ZMAT4: variants seen among roughly 807,000 people sequenced by gnomAD.
The protein encoded by ZMAT4 is zinc finger matrin-type 4.
A neutral mutation model predicts 28.7 loss-of-function variants in ZMAT4; 17 were observed. The observed-to-expected ratio is 0.59, with a 90% CI of 0.41 to 0.89. The LOEUF (loss-of-function observed/expected upper bound fraction) is 0.89. Ranked by LOEUF, ZMAT4 falls within the 40% of genes least tolerant of loss-of-function variation. The pLI is 0.00. For missense variants in ZMAT4, 240 were observed against 283.8 expected, an observed-to-expected ratio of 0.85 and a Z score of 1.11; for synonymous variants, 117 against 109.2, an observed-to-expected ratio of 1.07 and a Z score of -0.44.
At chr8:40,709,698 A>G (rs1254260369) in intron 3 of ZMAT4, among the ~76,000 whole-genome samples, 2 of 152,306 alleles carry the variant, frequency 1.3e-5, no homozygotes, top group South Asian at 2.1e-4. Context: ...AGAATGTAAG[A>G]TTGATTTTAA....
intron 2 of ZMAT4, among the ~76,000 whole-genome samples, chr8:40,812,970 T>A (rs1214905542): frequency 6.7e-6 from 1 of 149,498 alleles, no homozygotes; most frequent in African/African-American, 2.4e-5. Flanking sequence ...TAAATTAAAT[T>A]AAATTAAATT....
At chr8:40,589,763 T>TCTTTCTTTC (rs71224835) in intron 5 of ZMAT4, among the ~76,000 whole-genome samples, 1 of 27,914 alleles carries the variant, frequency 3.6e-5, no homozygotes, top group Non-Finnish European at 9.3e-5. Context: ...TTTCTTTCTT[T>TCTTTCTTTC]TTCTTTCTTT....
chr8:40,870,900 C>T (rs1030939237), intron 1 of ZMAT4, among the ~76,000 whole-genome samples: 5 of 152,180 alleles, frequency 3.3e-5, no homozygotes, highest in Non-Finnish European at 7.3e-5. Flanking sequence ...ATGTCAGCAG[C>T]TGTTGTGTCC....
intron 3 of ZMAT4, among the ~76,000 whole-genome samples, chr8:40,697,877 G>A (rs1809967973): frequency 6.6e-6 from 1 of 152,082 alleles, no homozygotes. Context: ...TAAAAACGGG[G>A]CCCACAATTA....
At chr8:40,589,703 T>C in intron 5 of ZMAT4, among the ~76,000 whole-genome samples, 1 of 124,420 alleles carries the variant, frequency 8.0e-6, no homozygotes, top group East Asian at 3.1e-4. Context: ...GAGACCTTCC[T>C]TCCTTCTTCC....
intron 2 of ZMAT4, among the ~76,000 whole-genome samples, chr8:40,814,376 A>G (rs1181019433): frequency 6.6e-6 from 1 of 152,236 alleles, no homozygotes; most frequent in East Asian, 1.9e-4. Flanking sequence ...GGGGTCAGGA[A>G]TGCATATGTT....
At chr8:40,658,299 C>A (rs191204721) in intron 5 of ZMAT4, among the ~76,000 whole-genome samples, 17 of 152,220 alleles carry the variant, frequency 1.1e-4, no homozygotes, top group African/African-American at 3.6e-4. Flanking sequence ...TCCTCCTATG[C>A]ATATTAATGT....
intron 5 of ZMAT4, among the ~76,000 whole-genome samples, chr8:40,640,672 G>T (rs1806980539): frequency 6.6e-6 from 1 of 151,808 alleles, no homozygotes; most frequent in African/African-American, 2.4e-5. Context: ...TAAAAAAAAA[G>T]TATAGAGGCC....
chr8:40,599,823 C>T (rs1350755125), intron 5 of ZMAT4, among the ~76,000 whole-genome samples: 2 of 152,178 alleles, frequency 1.3e-5, no homozygotes, highest in Non-Finnish European at 2.9e-5. Flanking sequence ...GGGGGGCCCC[C>T]GCCCCTCCTC....
intron 5 of ZMAT4, among the ~76,000 whole-genome samples, chr8:40,585,602 C>T (rs1036154234): frequency 1.6e-4 from 24 of 152,150 alleles, no homozygotes; most frequent in Admixed American, 1.2e-3. Flanking sequence ...AAAGCTATTC[C>T]ATAAAAAAGT....
intron 1 of ZMAT4, among the ~76,000 whole-genome samples, chr8:40,832,533 C>T (rs1001446807): frequency 6.6e-5 from 10 of 152,166 alleles, no homozygotes; most frequent in African/African-American, 2.4e-4. Context: ...AGATGATGCC[C>T]CCTGCTCACC....
chr8:40,692,077 T>C (rs1809689156), intron 4 of ZMAT4, among the ~76,000 whole-genome samples: 1 of 152,228 alleles, frequency 6.6e-6, no homozygotes, highest in Non-Finnish European at 1.5e-5. Context: ...TGCCTATTAT[T>C]ATTCTAATGT....
intron 2 of ZMAT4, among the ~76,000 whole-genome samples, chr8:40,772,366 C>T (rs149876313): frequency 3.5e-4 from 53 of 152,278 alleles, no homozygotes; most frequent in Middle Eastern, 3.4e-3. Flanking sequence ...GAATAAAGAA[C>T]AAGACAAACC....
intron 4 of ZMAT4, among the ~76,000 whole-genome samples, chr8:40,687,144 G>A (rs1420710015): frequency 1.3e-5 from 2 of 152,170 alleles, no homozygotes; most frequent in African/African-American, 2.4e-5. Context: ...GAGATGATAT[G>A]AGGAAGAAAA....
At chr8:40,852,369 G>C (rs1206771262) in intron 1 of ZMAT4, among the ~76,000 whole-genome samples, 1 of 152,136 alleles carries the variant, frequency 6.6e-6, no homozygotes, top group Non-Finnish European at 1.5e-5. Context: ...AAAATTATGA[G>C]AAGAGGGACA....
At chr8:40,640,066 C>T (rs183151296) in intron 5 of ZMAT4, among the ~76,000 whole-genome samples, 2 of 152,200 alleles carry the variant, frequency 1.3e-5, no homozygotes, top group East Asian at 3.9e-4. Context: ...AGCCTCAAAC[C>T]CCTGGGTTCA....
chr8:40,801,356 A>ATATATATATG (rs371090226), intron 2 of ZMAT4, among the ~76,000 whole-genome samples: 54,696 of 139,230 alleles, frequency 0.39, 11,485 homozygotes, highest in Non-Finnish European at 0.47. Context: ...AAAAAAATAT[A>ATATATATATG]TATATATATA....
chr8:40,862,676 A>G (rs1010711863), intron 1 of ZMAT4, among the ~76,000 whole-genome samples: 5 of 151,516 alleles, frequency 3.3e-5, no homozygotes, highest in Middle Eastern at 3.4e-3. Context: ...TTGTAGGGAC[A>G]TGGATGAAGC....
chr8:40,846,165 C>A (rs1678851406), intron 1 of ZMAT4, among the ~76,000 whole-genome samples: 1 of 152,134 alleles, frequency 6.6e-6, no homozygotes, highest in South Asian at 2.1e-4. Context: ...TCCAAACGCA[C>A]CACCCCCCTC....
Sources: gnomAD v4.1 joint callset for allele counts (sites outside exome capture counted in the v4.1 genomes callset) on GRCh38, gnomAD v4.1.1 for gene constraint, MANE v1.5 for transcripts, NCBI Gene and HGNC (gene_info 2026-07-23, HGNC 2026-07-21) for gene names.